The following SMAD7 variants were observed in gnomAD, a reference collection of about 807,000 sequenced individuals.
SMAD7 encodes SMAD family member 7.
A neutral mutation model predicts 38.7 loss-of-function variants in SMAD7; 8 were observed. That is an observed-to-expected ratio of 0.21 (90% CI 0.12 to 0.37). The LOEUF (loss-of-function observed/expected upper bound fraction) is 0.37. SMAD7 is among the 10% of genes least tolerant of loss of function. The pLI is 1.00. For missense variants in SMAD7, 477 were observed against 577.9 expected, an observed-to-expected ratio of 0.83 and a Z score of 1.79; for synonymous variants, 327 against 265.1, an observed-to-expected ratio of 1.23 and a Z score of -2.27.
chr18:48,930,434 C>T (rs1328152841), intron 3 of SMAD7, among the ~76,000 whole-genome samples: 1 of 152,168 alleles, frequency 6.6e-6, no homozygotes, highest in Non-Finnish European at 1.5e-5. Context: ...AAGGGTCCCC[C>T]ACCCAGAAGC....
chr18:48,936,463 G>T (rs1167461138), intron 3 of SMAD7, among the ~76,000 whole-genome samples: 1 of 152,126 alleles, frequency 6.6e-6, no homozygotes, highest in African/African-American at 2.4e-5. Context: ...CGTCCCAAAA[G>T]GAAACCCGGT....
chr18:48,940,458 G>A (rs2070124372), intron 3 of SMAD7, among the ~76,000 whole-genome samples: 2 of 152,254 alleles, frequency 1.3e-5, no homozygotes, highest in South Asian at 4.2e-4. Flanking sequence ...GGGAAAAAAA[G>A]CCCACCCATC....
At chr18:48,939,379 C>T (rs1486843542) in intron 3 of SMAD7, among the ~76,000 whole-genome samples, 3 of 145,194 alleles carry the variant, frequency 2.1e-5, no homozygotes, top group African/African-American at 7.8e-5. Context: ...CTACCCACCC[C>T]CCCACACCCC....
At chr18:48,948,332 G>T in intron 2 of SMAD7, 52 bp downstream of exon 2, 4 of 1,308,822 alleles carry the variant, frequency 3.1e-6, no homozygotes, top group Non-Finnish European at 4.3e-6. Flanking sequence ...CGTTCTAGAG[G>T]CTCTATTTCT....
intron 3 of SMAD7, among the ~76,000 whole-genome samples, chr18:48,932,198 T>C (rs1338873346): frequency 1.4e-4 from 22 of 152,262 alleles, no homozygotes; most frequent in Non-Finnish European, 7.4e-5. Context: ...TCACTTAGCC[T>C]GCAGGGGAAG....
intron 3 of SMAD7, among the ~76,000 whole-genome samples, chr18:48,932,954 G>A (rs2070020287): frequency 6.6e-6 from 1 of 152,118 alleles, no homozygotes; most frequent in Non-Finnish European, 1.5e-5. Context: ...CCCCTTGGCC[G>A]TGGTCCACTG....
chr18:48,946,427 G>GGGT lies in SMAD7; in HGVS notation c.667+1956_667+1957insACC, dbSNP rs1475184957. Reference sequence around the variant, plus strand: ...AAAACCAGCCCCAGACCTGTGAGGGGGGCGGGGGGGGTGTGCTCCAGCTCC... The same window carrying GGGT: ...AAAACCAGCCCCAGACCTGTGAGGGGGGTGGCGGGGGGGGTGTGCTCCAGCTCC... On this transcript the variant is annotated intron_variant, in intron 2 of 3. Coordinates refer to ENST00000262158, the MANE Select transcript of SMAD7 (RefSeq NM_005904.4). Among the ~76,000 whole-genome samples the GGGT allele has an allele frequency of 3.1e-4, 46 of 148,856 alleles. 1 individual carries two copies. Among genetic ancestry groups the GGGT allele is most frequent in the Non-Finnish European group, 6.0e-4 (40 of 66,500 alleles).
At position 48,921,582 on chromosome 18, in the gene SMAD7, T is replaced by C; in HGVS notation, c.1071A>G (p.Val357=). The C allele has an allele frequency of 6.2e-7, 1 of 1,614,230 alleles. No individual in the cohort carries two copies. Among genetic ancestry groups the C allele is most frequent in the East Asian group, 2.2e-5 (1 of 44,878 alleles). Residue 357 remains valine, a synonymous_variant, in exon 4 of 4, where the codon GTA becomes GTG. Transcript: ENST00000262158. This position sits in a 1 kb window ranked among gnomAD's most constrained non-coding sequence, Gnocchi z 6.4. ...TGGAGAAACCGGGGAACACCTTGTGTACCAACAGCGTCCTGGAGTCCGGGT... is the reference window on the plus strand; with the variant it reads ...TGGAGAAACCGGGGAACACCTTGTGCACCAACAGCGTCCTGGAGTCCGGGT... ...LDNPDSRTLL[V]HKVFPGFSIK... is the part of the protein sequence containing the mutation.
At chr18:48,949,695 C>A in intron 1 of SMAD7, 117 bp downstream of exon 1, 2 of 1,145,732 alleles carry the variant, frequency 1.7e-6, no homozygotes, top group South Asian at 1.7e-5. Flanking sequence ...CACACTCTCC[C>A]AGGAGGGTAT....
chr18:48,942,495 G>T lies in SMAD7; in HGVS notation c.728C>A (p.Pro243His). Reference protein sequence around the residue: ...AETGGTNYLAPGGLSDSQLLL... With the variant: ...AETGGTNYLAHGGLSDSQLLL... Reference sequence around the variant, plus strand: ...AAGCATCTTACCTGAAAGCCCCCCAGGGGCCAGATAATTCGTTCCCCCTGT... The same window carrying T: ...AAGCATCTTACCTGAAAGCCCCCCATGGGCCAGATAATTCGTTCCCCCTGT... Residue 243 changes from proline to histidine, a missense_variant, in exon 3 of 4, where the codon CCT becomes CAT. This residue lies in a region of SMAD7 where 376 missense variants were observed against 379.4 expected (regional missense o/e 0.99). Transcript: ENST00000262158. The T allele has an allele frequency of 6.3e-7, 1 of 1,593,298 alleles. No individual in the cohort carries two copies. The highest frequency in any genetic ancestry group is 8.5e-7 in the Non-Finnish European group (1 of 1,172,566).
intron 3 of SMAD7, among the ~76,000 whole-genome samples, chr18:48,928,024 G>T (rs1160508976): frequency 6.6e-6 from 1 of 152,210 alleles, no homozygotes; most frequent in African/African-American, 2.4e-5. Context: ...CCTCTCCAAA[G>T]TGTCCTTCAG....
At chr18:48,946,448 G>A (rs1448267124) in intron 2 of SMAD7, among the ~76,000 whole-genome samples, 1 of 150,992 alleles carries the variant, frequency 6.6e-6, no homozygotes, top group East Asian at 1.9e-4. Flanking sequence ...GTGTGCTCCA[G>A]CTCCAGACCT....
intron 3 of SMAD7, among the ~76,000 whole-genome samples, chr18:48,933,205 G>A (rs2143783788): frequency 6.6e-6 from 1 of 152,262 alleles, no homozygotes; most frequent in African/African-American, 2.4e-5. Flanking sequence ...AGTAGAAGTG[G>A]ATGACTCAAG....
intron 2 of SMAD7, among the ~76,000 whole-genome samples, chr18:48,947,220 C>T (rs935839172): frequency 1.2e-4 from 19 of 152,156 alleles, no homozygotes; most frequent in East Asian, 5.8e-4. Context: ...CTTATTAGAC[C>T]GGCACCAGGC....
intron 2 of SMAD7, among the ~76,000 whole-genome samples, chr18:48,947,897 C>A (rs868845939): frequency 3.4e-5 from 5 of 149,192 alleles, no homozygotes; most frequent in Admixed American, 6.7e-5. Flanking sequence ...AACCTACCCC[C>A]CCCCCCCTTT....
intron 2 of SMAD7, among the ~76,000 whole-genome samples, chr18:48,943,584 A>G (rs1180102569): frequency 6.6e-6 from 1 of 152,200 alleles, no homozygotes; most frequent in Non-Finnish European, 1.5e-5. Flanking sequence ...AACTCCCTGA[A>G]GTCCTAGCGG....
chr18:48,947,003 G>A (rs927532694), intron 2 of SMAD7, among the ~76,000 whole-genome samples: 8 of 152,110 alleles, frequency 5.3e-5, no homozygotes, highest in African/African-American at 1.9e-4. Flanking sequence ...ACAGGTCAGA[G>A]GTGGCCCCTT....
intron 3 of SMAD7, among the ~76,000 whole-genome samples, chr18:48,925,696 G>A (rs1249297830): frequency 2.0e-5 from 3 of 151,992 alleles, no homozygotes; most frequent in African/African-American, 7.2e-5. Flanking sequence ...GGGTGACCAG[G>A]CCTCAAGGCC....
At position 48,921,962 on chromosome 18, in the gene SMAD7, C is replaced by A. The variant is rs777549715; in HGVS notation, c.743-52G>T. ...TAGTGGGGACAGGCATTGGTGACTC[C>A]TAGAATGAAGACACCCGCCCCCCCA... On this transcript the variant is annotated intron_variant, in intron 3 of 3. Transcript: ENST00000262158. This position sits in a 1 kb window ranked among gnomAD's most constrained non-coding sequence, Gnocchi z 6.4. 4 of 1,451,054 alleles carry A rather than the reference C, an allele frequency of 2.8e-6. No individual in the cohort carries two copies. The highest frequency in any genetic ancestry group is 2.2e-4 in the Middle Eastern group (1 of 4,532). The allele number at this position is 1,451,054 out of a possible 1,614,324, so 89.9% of individuals were successfully genotyped here. A position where few individuals can be genotyped will look rare whatever the true frequency, so the allele number is the denominator to read the frequency against.
Sources: gnomAD v4.1 joint callset for allele counts (sites outside exome capture counted in the v4.1 genomes callset) on GRCh38, gnomAD v4.1.1 for gene constraint, gnomAD v4.1.1 regional missense constraint, Gnocchi (gnomAD v3.1) non-coding constraint, MANE v1.5 for transcripts, NCBI Gene and HGNC (gene_info 2026-07-23, HGNC 2026-07-21) for gene names.